CCDC187: variants seen among roughly 807,000 people sequenced by gnomAD.
The protein encoded by CCDC187 is coiled-coil domain-containing protein 187.
Under a neutral mutation model 38.0 loss-of-function variants are expected in CCDC187, and 32 were observed. The ratio of observed to expected loss-of-function variants is 0.84; its 90% CI spans 0.64 to 1.13. The LOEUF is 1.13. Among genes scored for constraint, CCDC187 ranks in the 50% most tolerant of loss-of-function variants. The probability of loss-of-function intolerance (pLI) is 0.00; values close to 1 mark genes in which losing one functional copy is unlikely to be tolerated. For synonymous variants in CCDC187, 333 were observed against 347.9 expected (o/e 0.96, Z 0.48); for missense variants, 707 against 786.8 (o/e 0.90, Z 1.21).
In CCDC187 at chr9:136,302,921, C is replaced by T. The variant is rs1213389258; in HGVS notation, c.516G>A (p.Leu172=). 5.0e-6 allele frequency: 2 copies of T among 398,684 alleles called. No homozygotes were observed. The highest frequency in any genetic ancestry group is 8.8e-6 in the Non-Finnish European group (2 of 226,110). The allele number at this position is 398,684 out of a possible 1,614,324, so 24.7% of individuals were successfully genotyped here. Residue 172 remains leucine (L), a synonymous_variant, in exon 2 of 26, where the codon CTG becomes CTA. Coordinates refer to ENST00000638797, the MANE Select transcript of CCDC187 (RefSeq NM_001378188.1). ...AGGCGCTGGAGGGGGCTGAGGTGCCCAGGGACGCACAGCTCCCCTGCTGCC... is the reference window on the plus strand; with the variant it reads ...AGGCGCTGGAGGGGGCTGAGGTGCCTAGGGACGCACAGCTCCCCTGCTGCC... ...QAWQQGSCAS[L]GTSAPSSASR...
At chr9:136,260,096 C>A (rs888831846) in intron 20 of CCDC187, 23 bp downstream of exon 20, 13 of 985,292 alleles carry the variant, frequency 1.3e-5, no homozygotes, top group Non-Finnish European at 1.6e-5. Flanking sequence ...TGACCCTGGG[C>A]GGTCGCCGCG....
At position 136,256,786 on chromosome 9, in the gene CCDC187, T is replaced by C. The variant is rs1830618422; in HGVS notation, c.4422A>G (p.Thr1474=). The change falls in exon 23 of 26, where the codon ACA becomes ACG. Residue 1474 remains threonine, a synonymous_variant. Coordinates refer to ENST00000638797, the MANE Select transcript of CCDC187 (RefSeq NM_001378188.1). ...CCCTGAAGCTCCCCACATGGCTGTCTGTTGGAGCCCGGGGCTTCCCTGCTA... is the reference window on the plus strand; with the variant it reads ...CCCTGAAGCTCCCCACATGGCTGTCCGTTGGAGCCCGGGGCTTCCCTGCTA... The part of the protein sequence containing the change: ...PSLAGKPRAP[T]DSHVGSFRER... The C allele has an allele frequency of 6.6e-6, 1 of 152,222 alleles. No individual in the cohort carries two copies. Among genetic ancestry groups the C allele is most frequent in the Admixed American group, 6.5e-5 (1 of 15,288 alleles). The allele number at this position is 152,222 out of a possible 1,614,324, so 9.4% of individuals were successfully genotyped here. A position where few individuals can be genotyped will look rare whatever the true frequency, so the allele number is the denominator to read the frequency against.
At chr9:136,304,639 A>AG (rs36189795), upstream of CCDC187, among the ~76,000 whole-genome samples, 3,986 of 152,230 alleles carry the variant, frequency 0.026, 183 homozygotes, top group African/African-American at 0.09. Context: ...GCAGTCCCTG[A>AG]GGGGAACTCA....
At chr9:136,260,096 C>T (rs888831846) in intron 20 of CCDC187, 23 bp downstream of exon 20, 140 of 985,408 alleles carry the variant, frequency 1.4e-4, no homozygotes, top group East Asian at 1.1e-4. Flanking sequence ...TGACCCTGGG[C>T]GGTCGCCGCG....
chr9:136,298,110 T>G (rs1407257362), intron 3 of CCDC187, among the ~76,000 whole-genome samples: 1 of 152,158 alleles, frequency 6.6e-6, no homozygotes, highest in Non-Finnish European at 1.5e-5. Context: ...GAGTGTCTGG[T>G]GGCCTCCCCT....
intron 4 of CCDC187, among the ~76,000 whole-genome samples, chr9:136,297,402 G>A (rs2131347492): frequency 1.3e-5 from 2 of 152,302 alleles, no homozygotes; most frequent in South Asian, 4.1e-4. Flanking sequence ...GACTCGCCCA[G>A]TCTCTGGGTG....
chr9:136,254,685 G>A lies in CCDC187; in HGVS notation c.5143C>T (p.Leu1715=). Residue 1715 remains leucine (L), a synonymous_variant, in exon 26 of 26, where the codon CTG becomes TTG. Coordinates refer to ENST00000638797, the MANE Select transcript of CCDC187 (RefSeq NM_001378188.1). The stretch of plus-strand genomic sequence containing the variant: ...GCCGTGTCCAAGGAGGAGCCACGCA[G>A]GGGGCCGGCCCTGCGGCCCTGGGGC... ...QRPQGRRAGP[L]RGSSLDTAMA... is the part of the protein sequence containing the mutation. 10 of 985,510 alleles carry A rather than the reference G, an allele frequency of 1.0e-5. No individual in the cohort carries two copies. The highest frequency in any genetic ancestry group is 1.2e-5 in the Non-Finnish European group (10 of 829,972). The allele number at this position is 985,510 out of a possible 1,614,324, so 61.0% of individuals were successfully genotyped here.
At position 136,298,186 on chromosome 9, in the gene CCDC187, G is replaced by A. The variant is rs1268112942; in HGVS notation, c.725-365C>T. 3.9e-5 allele frequency among the ~76,000 whole-genome samples: 6 copies of A among 152,214 alleles called. No individual in the cohort carries two copies. In the East Asian group the frequency reaches 1.2e-3, roughly 29 times the overall value. ...CTCTGAATCCAGCACCCAGCTGGGG[G>A]CCCGGGCCATGGGCACTCAGGACTG... On this transcript the variant is annotated intron_variant, in intron 3 of 25. Transcript: ENST00000638797.
rs984554678 is a variant in CCDC187, at chr9:136,290,020, C to G, written c.2161G>C (p.Val721Leu). The change falls in exon 7 of 26, where the codon GTG becomes CTG. Residue 721 changes from valine to leucine, a missense_variant. Val to Leu is a conservative substitution (Grantham distance 32, BLOSUM62 1). Coordinates refer to ENST00000638797, the MANE Select transcript of CCDC187 (RefSeq NM_001378188.1). ...GAGGTCACTTTGCTCCATTCCAGCA[C>G]TGGGGACTCCAGGCTCCCGGAGGCT... ...LEASGSLESP[V>L]LEWSKVTSGM... 1.2e-4 allele frequency: 48 copies of G among 398,780 alleles called. No individual in the cohort carries two copies. The South Asian group carries it at 5.5e-3, about 45-fold the overall frequency. 24.7% of individuals were successfully genotyped at this position (398,780 alleles called of 1,614,324 possible). A position where few individuals can be genotyped will look rare whatever the true frequency, so the allele number is the denominator to read the frequency against.
At position 136,289,405 on chromosome 9, in the gene CCDC187, G is replaced by T. The variant is rs1434406752; in HGVS notation, c.2222+554C>A. ...GTTGTGGCAGGTGCCTATAATCCCA[G>T]CTACTCAGGAGGCTGAGGCAGGAGA... On this transcript the variant is annotated intron_variant, in intron 7 of 25. Coordinates refer to ENST00000638797, the MANE Select transcript of CCDC187 (RefSeq NM_001378188.1). Among the ~76,000 whole-genome samples the T allele has an allele frequency of 2.0e-5, 3 of 150,914 alleles. No homozygotes were observed. In the East Asian group the frequency reaches 5.9e-4, roughly 30 times the overall value.
At chr9:136,304,438 G>A (rs1270560225), upstream of CCDC187, among the ~76,000 whole-genome samples, 1 of 152,200 alleles carries the variant, frequency 6.6e-6, no homozygotes. Context: ...AGTTCCATGG[G>A]GCTGGGCAGG....
chr9:136,289,906 G>GGCC, intron 7 of CCDC187, 53 bp downstream of exon 7: 2 of 353,698 alleles, frequency 5.7e-6, no homozygotes, highest in Non-Finnish European at 1.0e-5. Context: ...ACTGTTCTTG[G>GGCC]CCCCCCCCAA....
chr9:136,267,295 G>T, intron 16 of CCDC187, 89 bp downstream of exon 16: 3 of 911,028 alleles, frequency 3.3e-6, no homozygotes, highest in Non-Finnish European at 3.9e-6. Flanking sequence ...CCCGGACGGG[G>T]CAGGGAGGGG....
At chr9:136,299,417 C>T (rs1445023514) in intron 3 of CCDC187, among the ~76,000 whole-genome samples, 2 of 152,206 alleles carry the variant, frequency 1.3e-5, no homozygotes, top group African/African-American at 2.4e-5. Flanking sequence ...CACAAAAACG[C>T]ACATGATTCC....
Position 136,286,557 on chromosome 9 carries a change from G to A in CCDC187, c.2361C>T (p.Asp787=). The A allele has an allele frequency of 2.5e-6, 1 of 398,750 alleles. No homozygotes were observed. The highest frequency in any genetic ancestry group is 4.4e-6 in the Non-Finnish European group (1 of 226,158). The allele number at this position is 398,750 out of a possible 1,614,324, so 24.7% of individuals were successfully genotyped here. ...SPSLGSLELQ[D]LTTRYLPRGM... Reference sequence around the variant, plus strand: ...CCCGGGGTAGGTAGCGGGTGGTCAGGTCCTGGAGCTCCAGGGATCCCAGAG... The same window carrying A: ...CCCGGGGTAGGTAGCGGGTGGTCAGATCCTGGAGCTCCAGGGATCCCAGAG... Residue 787 remains aspartate (D), a synonymous_variant, in exon 8 of 26, where the codon GAC becomes GAT. Transcript: ENST00000638797.
rs897752752 is a variant in CCDC187, at chr9:136,290,697, A to G, written c.1916T>C (p.Leu639Ser). The G allele has an allele frequency of 1.5e-5, 6 of 398,330 alleles. No individual in the cohort carries two copies. The Admixed American group carries it at 2.6e-4, about 18-fold the overall frequency. The allele number at this position is 398,330 out of a possible 1,614,324, so 24.7% of individuals were successfully genotyped here. The change falls in exon 6 of 26, where the codon TTG becomes TCG. Residue 639 changes from leucine to serine, a missense_variant. Physicochemically the swap from Leu to Ser is moderately radical, Grantham distance 145. Transcript: ENST00000638797. ...LLGPSHSSESLREFMRQKAQA... is the reference protein window; with the variant it reads ...LLGPSHSSESSREFMRQKAQA... ...CGCCTTCTGGCGCATGAACTCCCGC[A>G]AGGACTCAGAGCTGTGCGAGGGTCC...
At chr9:136,289,912 C>T (rs1037248209) in intron 7 of CCDC187, 47 bp downstream of exon 7, 2 of 392,308 alleles carry the variant, frequency 5.1e-6, no homozygotes. Context: ...CTTGGCCCCC[C>T]CCAAGGCCCC....
Position 136,264,166 on chromosome 9 carries a change from G to C in CCDC187, c.3736-368C>G, listed in dbSNP as rs1554761341. 2 of 152,470 alleles carry C rather than the reference G, an allele frequency of 1.3e-5. No homozygotes were observed. Among genetic ancestry groups the C allele is most frequent in the African/African-American group, 4.8e-5 (2 of 41,462 alleles). 9.4% of individuals were successfully genotyped at this position (152,470 alleles called of 1,614,324 possible). A position where few individuals can be genotyped will look rare whatever the true frequency, so the allele number is the denominator to read the frequency against. On this transcript the variant is annotated intron_variant, in intron 17 of 25. Coordinates refer to ENST00000638797, the MANE Select transcript of CCDC187 (RefSeq NM_001378188.1). The surrounding 1 kb of genome is among the most constrained non-coding windows in gnomAD (Gnocchi z 4.3). ...TCTTTCTGTTCCCCACAGCGTCCCT[G>C]GTGGACGCACCCTCGGAACAACCTT... is the stretch of plus-strand genomic sequence containing the variant.
chr9:136,304,339 G>C (rs1398046584), upstream of CCDC187, among the ~76,000 whole-genome samples: 2 of 152,150 alleles, frequency 1.3e-5, no homozygotes, highest in Non-Finnish European at 2.9e-5. Context: ...GTCAGGGTTA[G>C]GTTCAATTCA....
Sources: gnomAD v4.1 joint callset for allele counts (sites outside exome capture counted in the v4.1 genomes callset) on GRCh38, gnomAD v4.1.1 for gene constraint, Gnocchi (gnomAD v3.1) non-coding constraint, MANE v1.5 for transcripts, NCBI Gene and HGNC (gene_info 2026-07-23, HGNC 2026-07-21) for gene names.